The following PCDH11X variants were observed in gnomAD, a reference collection of about 807,000 sequenced individuals.
The protein encoded by PCDH11X is protocadherin 11 X-linked, also known as protocadherin-11 X-linked.
In PCDH11X, 18 loss-of-function variants were observed where a neutral mutation model predicts 53.3. The observed-to-expected ratio is 0.34, with a 90% CI of 0.23 to 0.50. The LOEUF (loss-of-function observed/expected upper bound fraction) is 0.50, where lower values mean the gene tolerates loss of function less well. Ranked by LOEUF, PCDH11X falls within the 20% of genes least tolerant of loss-of-function variation. The probability of loss-of-function intolerance (pLI) is 0.98; values close to 1 mark genes in which losing one functional copy is unlikely to be tolerated. For missense variants in PCDH11X, 570 were observed against 1,032.4 expected (o/e 0.55, Z 6.14); for synonymous variants, 279 against 393.3 (o/e 0.71, Z 3.44).
intron 8 of PCDH11X, among the ~76,000 whole-genome samples, chrX:92,289,170 G>C (rs2068443016): frequency 9.0e-6 from 1 of 110,936 alleles, no homozygotes; most frequent in Admixed American, 9.6e-5. Flanking sequence ...TTATCACTGA[G>C]TTTTTATTCA....
At chrX:92,358,189 T>C (rs2070257975) in intron 8 of PCDH11X, among the ~76,000 whole-genome samples, 1 of 103,436 alleles carries the variant, frequency 9.7e-6, no homozygotes, top group Admixed American at 1.1e-4. Context: ...AAATTATAGG[T>C]CTAAATCTCA....
At chrX:92,296,082 C>CA (rs35158475) in intron 8 of PCDH11X, among the ~76,000 whole-genome samples, 17,805 of 93,234 alleles carry the variant, frequency 0.19, 2,306 homozygotes, top group East Asian at 0.63. Context: ...AACTCTGTCT[C>CA]AAAAAAAAAA....
Position 92,618,310 on chromosome X carries a change from C to A in PCDH11X, c.3414C>A (p.Asn1138Lys), listed in dbSNP as rs1291621929. ...CAACTGTGGAAGAGGCCTCTGACAA[C>A]TGCACTCAAGAATGTCTCATCTATG... ...VQPTVEEASD[N>K]CTQECLIYGH... Residue 1138 changes from asparagine (N) to lysine (K), a missense_variant, in exon 11 of 11, where the codon AAC (asparagine) becomes AAA (lysine). Coordinates refer to ENST00000682573, the MANE Select transcript of PCDH11X (RefSeq NM_032968.5). 1 of 1,208,752 alleles carries A rather than the reference C, an allele frequency of 8.3e-7. No individual in the cohort carries two copies. Among genetic ancestry groups the A allele is most frequent in the African/African-American group, 1.7e-5 (1 of 57,218 alleles).
intron 10 of PCDH11X, among the ~76,000 whole-genome samples, chrX:92,556,611 G>A (rs750635679): frequency 8.9e-5 from 10 of 112,169 alleles, no homozygotes; most frequent in Non-Finnish European, 1.9e-4. Flanking sequence ...CACCCCTGTG[G>A]CTTTGTAGGG....
intron 6 of PCDH11X, among the ~76,000 whole-genome samples, chrX:92,021,745 G>GA (rs1199464615): frequency 1.9e-5 from 2 of 106,436 alleles, no homozygotes. Context: ...AGAAATGAAG[G>GA]AAAAAATGTT....
chrX:91,822,464 A>G (rs1936726832), intron 4 of PCDH11X, among the ~76,000 whole-genome samples: 1 of 111,033 alleles, frequency 9.0e-6, no homozygotes, highest in Non-Finnish European at 1.9e-5. Context: ...ATTTGCGCAG[A>G]GGTGTTTATA....
intron 10 of PCDH11X, among the ~76,000 whole-genome samples, chrX:92,484,853 AT>A (rs964408741): frequency 9.9e-5 from 11 of 110,857 alleles, no homozygotes; most frequent in Non-Finnish European, 2.1e-4. Context: ...TGTAAAAAAA[AT>A]TTTTTTAATG....
intron 9 of PCDH11X, among the ~76,000 whole-genome samples, chrX:92,428,874 AC>A (rs1409693723): frequency 9.0e-6 from 1 of 110,747 alleles, no homozygotes; most frequent in Non-Finnish European, 1.9e-5. Flanking sequence ...AAACCCATAT[AC>A]TCTGACTTTC....
intron 6 of PCDH11X, among the ~76,000 whole-genome samples, chrX:92,161,834 A>G (rs2148260356): frequency 2.8e-5 from 2 of 71,894 alleles, no homozygotes; most frequent in Admixed American, 1.6e-4. Context: ...TACATTTTGC[A>G]TTTCTCTGAA....
chrX:92,153,174 G>A (rs1005066097), intron 6 of PCDH11X, among the ~76,000 whole-genome samples: 2 of 110,151 alleles, frequency 1.8e-5, no homozygotes, highest in African/African-American at 6.6e-5. Context: ...ATTAAAACAT[G>A]TATCACAAAA....
intron 6 of PCDH11X, among the ~76,000 whole-genome samples, chrX:91,995,467 A>G (rs2062400392): frequency 9.0e-6 from 1 of 111,091 alleles, no homozygotes; most frequent in Admixed American, 9.6e-5. Context: ...CATTCTTGGT[A>G]CCTTTCTTGA....
At chrX:92,213,583 G>A (rs768684853) in intron 7 of PCDH11X, among the ~76,000 whole-genome samples, 14 of 111,375 alleles carry the variant, frequency 1.3e-4, no homozygotes, top group Non-Finnish European at 2.3e-4. Flanking sequence ...TGTATCCCAG[G>A]TGTGACCTGA....
chrX:92,138,797 T>A (rs1377370421), intron 6 of PCDH11X, among the ~76,000 whole-genome samples: 1 of 110,790 alleles, frequency 9.0e-6, no homozygotes, highest in African/African-American at 3.3e-5. Context: ...ATTAGTGTCT[T>A]TTATCAGTTT....
intron 10 of PCDH11X, among the ~76,000 whole-genome samples, chrX:92,606,863 C>A (rs931591816): frequency 4.5e-5 from 5 of 110,331 alleles, no homozygotes; most frequent in African/African-American, 1.6e-4. Context: ...GTAAAAAATA[C>A]AAATAGACAT....
At chrX:92,305,741 T>C (rs2068813814) in intron 8 of PCDH11X, among the ~76,000 whole-genome samples, 1 of 110,959 alleles carries the variant, frequency 9.0e-6, no homozygotes, top group Admixed American at 9.6e-5. Flanking sequence ...AGCTGGCATA[T>C]GCATATGTGT....
chrX:92,256,473 T>G (rs2067589712), intron 7 of PCDH11X, among the ~76,000 whole-genome samples: 1 of 111,003 alleles, frequency 9.0e-6, no homozygotes, highest in African/African-American at 3.3e-5. Flanking sequence ...CTCCCTCCGG[T>G]TTGTGTACAT....
chrX:91,982,801 C>T (rs1052319851), intron 6 of PCDH11X: 22 of 759,292 alleles, frequency 2.9e-5, no homozygotes, highest in Non-Finnish European at 4.5e-5. Flanking sequence ...TTCACTTTAG[C>T]CAAGAAGCAG....
intron 9 of PCDH11X, among the ~76,000 whole-genome samples, chrX:92,396,593 C>G (rs1451095013): frequency 1.9e-5 from 2 of 104,858 alleles, no homozygotes; most frequent in Non-Finnish European, 3.9e-5. Flanking sequence ...CCTGTAATCC[C>G]ATCACTTTCG....
intron 8 of PCDH11X, among the ~76,000 whole-genome samples, chrX:92,382,570 AT>A (rs2070901790): frequency 9.0e-6 from 1 of 110,941 alleles, no homozygotes; most frequent in Non-Finnish European, 1.9e-5. Flanking sequence ...AATGCTGGGG[AT>A]TTGATATTTA....
Sources: allele counts gnomAD v4.1 joint callset (sites outside exome capture counted in the v4.1 genomes callset), GRCh38; gene constraint gnomAD v4.1.1; transcripts MANE v1.5; gene names NCBI Gene and HGNC (gene_info 2026-07-23, HGNC 2026-07-21).